Variants in SRGAP3 observed in about 807,000 individuals in gnomAD.
The protein encoded by SRGAP3 is SLIT-ROBO Rho GTPase-activating protein 3.
Under a neutral mutation model 121.1 loss-of-function variants are expected in SRGAP3, and 39 were observed. The observed-to-expected ratio is 0.32, with a 90% CI of 0.25 to 0.42. SRGAP3 has a LOEUF of 0.42. SRGAP3 is among the 10% of genes least tolerant of loss of function. The pLI, the probability that SRGAP3 is intolerant of heterozygous loss-of-function variation, is 1.00. For synonymous variants in SRGAP3, 601 were observed against 570.0 expected (o/e 1.05, Z -0.77); for missense variants, 1,213 against 1,470.6 (o/e 0.82, Z 2.86).
chr3:9,047,875 C>T (rs757512539), intron 9 of SRGAP3, among the ~76,000 whole-genome samples: 2 of 152,230 alleles, frequency 1.3e-5, no homozygotes, highest in African/African-American at 2.4e-5. Context: ...CCAGGGGCCA[C>T]GCAGCCGAAG....
rs113043448 is a variant in SRGAP3, at chr3:9,008,905, C to T, written c.2227+1403G>A. Among the ~76,000 whole-genome samples the T allele has an allele frequency of 7.5e-3, 1,145 of 152,280 alleles. 20 individuals are homozygous for T. Among genetic ancestry groups the T allele is most frequent in the African/African-American group, 0.026 (1,099 of 41,536 alleles). ...ATTATAGAAAGGAAGCCCTTTTCCA[C>T]TGAGAGTTTGGGTAAGATGATGGTG... On this transcript the variant is annotated intron_variant, in intron 18 of 21. Transcript: ENST00000383836.
At chr3:9,292,573 AT>A (rs1954887827) in intron 3 of SRGAP3, 1 of 152,230 alleles carries the variant, frequency 6.6e-6, no homozygotes, top group Admixed American at 6.5e-5. Flanking sequence ...AATAAAAGAC[AT>A]TTATCAAGTA....
intron 3 of SRGAP3, among the ~76,000 whole-genome samples, chr3:9,091,205 C>T (rs921473850): frequency 6.6e-6 from 1 of 152,010 alleles, no homozygotes. Context: ...CTCAGTTATC[C>T]GTGCTGGGCC....
rs532204957 is a variant in SRGAP3, at chr3:9,187,974, T to A, written c.67+60911A>T. Among the ~76,000 whole-genome samples the A allele has an allele frequency of 1.1e-4, 16 of 152,286 alleles. No individual in the cohort carries two copies. The East Asian group carries it at 3.1e-3, about 29-fold the overall frequency. On this transcript the variant is annotated intron_variant, in intron 1 of 21. Coordinates refer to ENST00000383836, the MANE Select transcript of SRGAP3 (RefSeq NM_014850.4). ...GCCAGAAGCCTATGGGAACAATAGATTTGGAATGGGACTCTGGTCCTAGAC... is the reference window on the plus strand; with the variant it reads ...GCCAGAAGCCTATGGGAACAATAGAATTGGAATGGGACTCTGGTCCTAGAC...
chr3:9,104,621 T>C, intron 3 of SRGAP3, 59 bp downstream of exon 3: 1 of 1,606,832 alleles, frequency 6.2e-7, no homozygotes, highest in South Asian at 1.1e-5. Context: ...TGGTATACTG[T>C]TACCATGGGC....
At chr3:9,278,882 C>G (rs1954629776) in intron 3 of SRGAP3, among the ~76,000 whole-genome samples, 1 of 152,206 alleles carries the variant, frequency 6.6e-6, no homozygotes, top group Non-Finnish European at 1.5e-5. Flanking sequence ...AAGTCACAGG[C>G]TGTCTTTTGA....
chr3:9,321,668 C>T (rs1173539331), intron 3 of SRGAP3, among the ~76,000 whole-genome samples: 1 of 151,820 alleles, frequency 6.6e-6, no homozygotes, highest in Non-Finnish European at 1.5e-5. Context: ...CAGATCATGT[C>T]TTTTACGGGA....
chr3:8,993,088 C>A (rs1382883896), intron 19 of SRGAP3, 33 bp from the exon 20 acceptor site: 1 of 1,612,624 alleles, frequency 6.2e-7, no homozygotes, highest in South Asian at 1.1e-5. Context: ...TTGGAGGCAC[C>A]TTCCCCCAAA....
At chr3:9,340,334 T>C (rs1299902938) in intron 1 of SRGAP3, among the ~76,000 whole-genome samples, 1 of 152,184 alleles carries the variant, frequency 6.6e-6, no homozygotes, top group Non-Finnish European at 1.5e-5. Flanking sequence ...GCAGGCCAGA[T>C]GGAAAACTAA....
At chr3:9,262,234 T>G (rs1351965584) in intron 3 of SRGAP3, among the ~76,000 whole-genome samples, 3 of 151,978 alleles carry the variant, frequency 2.0e-5, no homozygotes, top group Non-Finnish European at 4.4e-5. Flanking sequence ...AAGGAAAAAC[T>G]GGTACCAGCC....
intron 18 of SRGAP3, among the ~76,000 whole-genome samples, chr3:8,997,564 A>G (rs1377045772): frequency 1.3e-5 from 2 of 152,058 alleles, no homozygotes; most frequent in East Asian, 1.9e-4. Context: ...AATCGCAGAG[A>G]CCTCTGAGAC....
chr3:9,210,926 T>C lies in SRGAP3; in HGVS notation c.67+37959A>G, dbSNP rs1411972550. Among the ~76,000 whole-genome samples the C allele has an allele frequency of 2.0e-5, 3 of 152,312 alleles. 1 individual carries two copies. In the South Asian group the frequency reaches 6.2e-4, roughly 32 times the overall value. On this transcript the variant is annotated intron_variant, in intron 1 of 21. Transcript: ENST00000383836. The stretch of plus-strand genomic sequence containing the variant: ...GCAAAATAGTATAAATAATATCTGA[T>C]TGTTAAAGCAATCATAATAGTATAC...
chr3:9,313,349 C>G (rs1403282047), intron 3 of SRGAP3, among the ~76,000 whole-genome samples: 1 of 152,194 alleles, frequency 6.6e-6, no homozygotes, highest in Admixed American at 6.5e-5. Flanking sequence ...CCTGTCAGTT[C>G]CTATCCTCTC....
At chr3:9,048,328 T>A (rs1470092088) in intron 9 of SRGAP3, among the ~76,000 whole-genome samples, 1 of 152,254 alleles carries the variant, frequency 6.6e-6, no homozygotes, top group African/African-American at 2.4e-5. Flanking sequence ...GGCCAGCTGC[T>A]AGAGGGTGGG....
intron 2 of SRGAP3, among the ~76,000 whole-genome samples, chr3:9,119,830 C>T: frequency 6.6e-6 from 1 of 152,216 alleles, no homozygotes; most frequent in Non-Finnish European, 1.5e-5. Context: ...TACTAGCCGT[C>T]CCCATGGAGG....
chr3:9,238,511 T>C (rs1177107089), intron 1 of SRGAP3, among the ~76,000 whole-genome samples: 1 of 151,916 alleles, frequency 6.6e-6, no homozygotes, highest in Admixed American at 6.6e-5. Context: ...CACGAGCATA[T>C]GGGTAAAGAT....
chr3:9,204,458 T>C (rs891739846), intron 1 of SRGAP3, among the ~76,000 whole-genome samples: 42 of 152,250 alleles, frequency 2.8e-4, no homozygotes, highest in African/African-American at 8.4e-4. Context: ...GGCTCTGAAC[T>C]GATCTCTGTT....
chr3:9,344,645 C>CA (rs59737890), intron 1 of SRGAP3, among the ~76,000 whole-genome samples: 6 of 151,052 alleles, frequency 4.0e-5, no homozygotes, highest in Non-Finnish European at 7.4e-5. Flanking sequence ...AAACAAAAAA[C>CA]AAAAAAAAAG....
intron 1 of SRGAP3, among the ~76,000 whole-genome samples, chr3:9,133,018 G>A (rs907533371): frequency 3.4e-5 from 5 of 148,404 alleles, no homozygotes; most frequent in African/African-American, 9.8e-5. Context: ...ATGTTATATA[G>A]ATCATATTAT....
Sources: gnomAD v4.1 joint callset for allele counts (sites outside exome capture counted in the v4.1 genomes callset) on GRCh38, gnomAD v4.1.1 for gene constraint, MANE v1.5 for transcripts, NCBI Gene and HGNC (gene_info 2026-07-23, HGNC 2026-07-21) for gene names.